The following NCOA1 variants were observed in gnomAD, a reference collection of about 807,000 sequenced individuals.
NCOA1 encodes nuclear receptor coactivator 1.
A neutral mutation model predicts 150.9 loss-of-function variants in NCOA1; 35 were observed. The ratio of observed to expected loss-of-function variants is 0.23; its 90% CI spans 0.18 to 0.31. NCOA1 has a LOEUF of 0.31. NCOA1 is among the 10% of genes least tolerant of loss of function. The pLI, the probability that NCOA1 is intolerant of heterozygous loss-of-function variation, is 1.00. For missense variants in NCOA1, 1,491 were observed against 1,749.3 expected (o/e 0.85, Z 2.63); for synonymous variants, 590 against 630.0 (o/e 0.94, Z 0.95).
At chr2:24,627,863 G>C (rs759537753) in intron 3 of NCOA1, among the ~76,000 whole-genome samples, 1 of 152,228 alleles carries the variant, frequency 6.6e-6, no homozygotes, top group African/African-American at 2.4e-5. Flanking sequence ...CAAATACAGA[G>C]AGAAATTGTA....
At chr2:24,540,648 G>A (rs761097214) in intron 1 of NCOA1, among the ~76,000 whole-genome samples, 6 of 151,864 alleles carry the variant, frequency 4.0e-5, no homozygotes, top group Non-Finnish European at 5.9e-5. Flanking sequence ...TAGTAGAGAC[G>A]AGGTTTCACC....
In NCOA1 at chr2:24,576,170, GTTTTTTTTTTTTTTTTTT is replaced by G. The variant is rs869093026; in HGVS notation, c.-259-8302_-259-8285del. 0.02 allele frequency among the ~76,000 whole-genome samples: 909 copies of G among 46,332 alleles called. 32 individuals carry two copies. In the East Asian group the frequency reaches 0.31, roughly 16 times the overall value. 30.4% of individuals were successfully genotyped at this position (46,332 alleles called of 152,430 possible). A position where few individuals can be genotyped will look rare whatever the true frequency, so the allele number is the denominator to read the frequency against. On this transcript the variant is annotated intron_variant, in intron 2 of 22. Coordinates refer to ENST00000348332, the MANE Select transcript of NCOA1 (RefSeq NM_003743.5). ...CTTTGTTTTTTTTTTTTTGTTTTTTGTTTTTTTTTTTTTTTTTTTTTGTTTGCTAGTCCTTTCTCCAAC... is the reference window on the plus strand; with the variant it reads ...CTTTGTTTTTTTTTTTTTGTTTTTTGTTTGTTTGCTAGTCCTTTCTCCAAC...
intron 4 of NCOA1, among the ~76,000 whole-genome samples, chr2:24,656,173 A>C (rs56306815): frequency 0.043 from 6,511 of 152,042 alleles, 213 homozygotes; most frequent in African/African-American, 0.094. Flanking sequence ...GAATGACTGC[A>C]GTGTACCAAC....
intron 13 of NCOA1, among the ~76,000 whole-genome samples, chr2:24,709,388 A>AT (rs1673621180): frequency 6.6e-6 from 1 of 152,076 alleles, no homozygotes; most frequent in South Asian, 2.1e-4. Context: ...AATATTTTAG[A>AT]TTTTTAGCTA....
chr2:24,643,460 G>A (rs140084262), intron 3 of NCOA1, among the ~76,000 whole-genome samples: 120 of 152,184 alleles, frequency 7.9e-4, no homozygotes, highest in African/African-American at 2.7e-3. Context: ...AAATTAGTTC[G>A]ATATAAGGTA....
At chr2:24,693,169 T>C in intron 9 of NCOA1, 83 bp from the exon 10 acceptor site, 1 of 1,368,170 alleles carries the variant, frequency 7.3e-7, no homozygotes, top group Non-Finnish European at 1.0e-6. Flanking sequence ...GTATTGTTTT[T>C]ATGAAAACCA....
At chr2:24,521,319 A>G (rs1402533033) in intron 1 of NCOA1, among the ~76,000 whole-genome samples, 5 of 152,208 alleles carry the variant, frequency 3.3e-5, no homozygotes. Flanking sequence ...GCTGTAAAAT[A>G]GAGCTCCAGA....
At position 24,639,912 on chromosome 2, in the gene NCOA1, GTGTGTATATATATATATATATATATATA is replaced by G. The variant is rs1486914630; in HGVS notation, c.-174-4052_-174-4025del. ...CAAAAAAAAAAAAAAAAGTATGTGT[GTGTGTATATATATATATATATATATATA>G]TATATATATATATATATATATATAT... On this transcript the variant is annotated intron_variant, in intron 3 of 22. Transcript: ENST00000348332. Among the ~76,000 whole-genome samples, 87 of 95,966 alleles carry G rather than the reference GTGTGTATATATATATATATATATATATA, an allele frequency of 9.1e-4. 7 individuals carry two copies. The highest frequency in any genetic ancestry group is 2.8e-3 in the East Asian group (11 of 3,978). The allele number at this position is 95,966 out of a possible 152,430, so 63.0% of individuals were successfully genotyped here. A position where few individuals can be genotyped will look rare whatever the true frequency, so the allele number is the denominator to read the frequency against.
chr2:24,551,733 C>T (rs923158671), intron 1 of NCOA1, among the ~76,000 whole-genome samples: 5 of 152,178 alleles, frequency 3.3e-5, no homozygotes, highest in African/African-American at 1.2e-4. Flanking sequence ...AACCTGCAAT[C>T]CCAAAGATTT....
chr2:24,715,206 A>G (rs763818215), intron 14 of NCOA1, among the ~76,000 whole-genome samples: 1 of 152,170 alleles, frequency 6.6e-6, no homozygotes, highest in Non-Finnish European at 1.5e-5. Context: ...CCTACAGAAA[A>G]TAATAAGAGA....
chr2:24,576,465 G>T (rs1038450868), intron 2 of NCOA1, among the ~76,000 whole-genome samples: 9 of 152,028 alleles, frequency 5.9e-5, no homozygotes, highest in African/African-American at 2.2e-4. Context: ...AGGGTGTGAG[G>T]TCAGGCAAAT....
chr2:24,519,906 C>T (rs535447928), intron 1 of NCOA1, among the ~76,000 whole-genome samples: 1 of 152,090 alleles, frequency 6.6e-6, no homozygotes, highest in East Asian at 1.9e-4. Flanking sequence ...ATAGAGTTAT[C>T]AAAGCTCAAT....
chr2:24,568,554 A>G (rs939550516), intron 2 of NCOA1, among the ~76,000 whole-genome samples: 1 of 152,194 alleles, frequency 6.6e-6, no homozygotes, highest in Non-Finnish European at 1.5e-5. Flanking sequence ...AATGTGTGTG[A>G]AATAATGAAA....
At position 24,768,235 on chromosome 2, in the gene NCOA1, T is replaced by G; in HGVS notation, c.4170T>G (p.Val1390=). Residue 1390 remains valine (V), a synonymous_variant, in exon 23 of 23, where the codon GTT becomes GTG. Transcript: ENST00000348332. The part of the protein sequence containing the change: ...EADGTQQVQQ[V]QVFADVQCTV... ...TTGTGTTCCAGCAGGTGCAACAGGT[T>G]CAGGTGTTTGCTGACGTCCAGTGTA... 6.2e-7 allele frequency: 1 copy of G among 1,613,022 alleles called. No individual in the cohort carries two copies. Among genetic ancestry groups the G allele is most frequent in the Non-Finnish European group, 8.5e-7 (1 of 1,179,178 alleles).
intron 1 of NCOA1, among the ~76,000 whole-genome samples, chr2:24,558,779 CAGAG>C (rs1243396817): frequency 1.3e-5 from 2 of 152,152 alleles, no homozygotes; most frequent in Admixed American, 6.5e-5. Context: ...GTTTTATAGT[CAGAG>C]AGTAATGAAG....
chr2:24,642,037 T>TGTGTGTGTGTGTGTGTGTGTGTGC (rs942145000), intron 3 of NCOA1, among the ~76,000 whole-genome samples: 1 of 138,452 alleles, frequency 7.2e-6, no homozygotes, highest in African/African-American at 2.6e-5. Context: ...TGTGTGTGTG[T>TGTGTGTGTGTGTGTGTGTGTGTGC]GCGCGCGTGC....
Position 24,712,191 on chromosome 2 carries a change from T to A in NCOA1, c.2599+1080T>A, listed in dbSNP as rs56403234. 1.9e-3 allele frequency among the ~76,000 whole-genome samples: 291 copies of A among 152,356 alleles called. 2 individuals carry two copies. The highest frequency in any genetic ancestry group is 2.7e-3 in the Non-Finnish European group (186 of 68,044). On this transcript the variant is annotated intron_variant, in intron 14 of 22. Transcript: ENST00000348332. ...GAAGTACATTTTTTGAACCTTATTCTCTTTATCTGCAATATAAGAATTAGA... is the reference window on the plus strand; with the variant it reads ...GAAGTACATTTTTTGAACCTTATTCACTTTATCTGCAATATAAGAATTAGA...
chr2:24,627,993 A>G (rs1036854281), intron 3 of NCOA1, among the ~76,000 whole-genome samples: 2 of 152,118 alleles, frequency 1.3e-5, no homozygotes, highest in Non-Finnish European at 2.9e-5. Context: ...ATCTGTGCCT[A>G]ATTCCTTATA....
intron 19 of NCOA1, among the ~76,000 whole-genome samples, chr2:24,743,118 T>C (rs1192100056): frequency 6.6e-6 from 1 of 152,262 alleles, no homozygotes; most frequent in South Asian, 2.1e-4. Flanking sequence ...GTCTACTCTG[T>C]TTAATCAAAC....
Sources: gnomAD v4.1 joint callset for allele counts (sites outside exome capture counted in the v4.1 genomes callset) on GRCh38, gnomAD v4.1.1 for gene constraint, MANE v1.5 for transcripts, NCBI Gene and HGNC (gene_info 2026-07-23, HGNC 2026-07-21) for gene names.